The following SPATA13 variants were observed in gnomAD, a reference collection of about 807,000 sequenced individuals.
The protein encoded by SPATA13 is spermatogenesis associated 13.
SPATA13 carries 50 observed loss-of-function variants against 104.0 expected under a neutral mutation model. That is an observed-to-expected ratio of 0.48 (90% confidence interval 0.38 to 0.61). SPATA13 has a LOEUF of 0.61. Ranked by LOEUF, SPATA13 falls within the 20% of genes least tolerant of loss-of-function variation. The probability of loss-of-function intolerance (pLI) is 0.00; values close to 1 mark genes in which losing one functional copy is unlikely to be tolerated. For missense variants in SPATA13, 1,524 were observed against 1,690.6 expected (o/e 0.90, Z 1.73); for synonymous variants, 606 against 667.5 (o/e 0.91, Z 1.42).
At chr13:24,014,833 A>T (rs912264529) in intron 2 of SPATA13, among the ~76,000 whole-genome samples, 12 of 142,372 alleles carry the variant, frequency 8.4e-5, no homozygotes, top group African/African-American at 3.1e-4. Flanking sequence ...TTTCCACAGG[A>T]TTGCTGTAGT....
chr13:24,179,748 A>G (rs1294381959), intron 1 of SPATA13, among the ~76,000 whole-genome samples: 1 of 152,152 alleles, frequency 6.6e-6, no homozygotes, highest in Non-Finnish European at 1.5e-5. Context: ...TTTGAGTTGC[A>G]TTTCTCTGAT....
chr13:24,198,418 C>T (rs902853442), intron 1 of SPATA13, among the ~76,000 whole-genome samples: 11 of 152,174 alleles, frequency 7.2e-5, no homozygotes, highest in Admixed American at 7.2e-4. Flanking sequence ...TTCAGGTACA[C>T]ATGTGTTTTG....
chr13:23,985,169 C>G (rs1875092533), intron 2 of SPATA13, among the ~76,000 whole-genome samples: 1 of 152,238 alleles, frequency 6.6e-6, no homozygotes, highest in African/African-American at 2.4e-5. Context: ...TTCCCGTCTG[C>G]TACCGAAGAT....
upstream of SPATA13, among the ~76,000 whole-genome samples, chr13:24,158,259 A>G (rs1882321408): frequency 6.6e-6 from 1 of 152,198 alleles, no homozygotes; most frequent in South Asian, 2.1e-4. Context: ...CTTGCAGGAA[A>G]CAACAGAATG....
At chr13:24,073,283 T>C (rs939389988) in intron 3 of SPATA13, among the ~76,000 whole-genome samples, 1 of 152,206 alleles carries the variant, frequency 6.6e-6, no homozygotes, top group Non-Finnish European at 1.5e-5. Context: ...TACCCCAAGA[T>C]AGAACTGAGA....
At chr13:24,221,944 C>T (rs1183337903) in intron 1 of SPATA13, among the ~76,000 whole-genome samples, 1 of 151,762 alleles carries the variant, frequency 6.6e-6, no homozygotes. Context: ...TCCCGAGTAG[C>T]TAGGATTATA....
In SPATA13 at chr13:24,161,346, G is replaced by T. The variant is rs923842989; in HGVS notation, c.-112+414G>T. 6.6e-6 allele frequency among the ~76,000 whole-genome samples: 1 copy of T among 152,208 alleles called. No individual in the cohort carries two copies. On this transcript the variant is annotated intron_variant, in intron 1 of 12. Coordinates refer to ENST00000382108, the MANE Select transcript of SPATA13 (RefSeq NM_001166271.3). The surrounding 1 kb of genome is among the most constrained non-coding windows in gnomAD (Gnocchi z 4.5). ...GCCTGGCGCGGCGGAGCCCTGTAAC[G>T]CTCTGCTCCATCGGGTGGCGTGGCT...
rs1877425609 is a variant in SPATA13, at chr13:24,304,296, T to TA, written c.*1523_*1524insA. ...ATAATCATCTCCTTTTCTTTGTCTA[T>TA]GTTGTACATTTTCATGATATAACTT... is the stretch of plus-strand genomic sequence containing the variant. On this transcript the variant is annotated 3_prime_UTR_variant, in exon 13 of 13. Transcript: ENST00000382108. 1 of 152,262 alleles carries TA rather than the reference T, an allele frequency of 6.6e-6. No individual in the cohort carries two copies. Among genetic ancestry groups the TA allele is most frequent in the African/African-American group, 2.4e-5 (1 of 41,470 alleles). The allele number at this position is 152,262 out of a possible 1,614,324, so 9.4% of individuals were successfully genotyped here.
At chr13:24,193,385 G>T (rs760879336) in intron 1 of SPATA13, among the ~76,000 whole-genome samples, 4 of 152,222 alleles carry the variant, frequency 2.6e-5, no homozygotes, top group Admixed American at 2.0e-4. Flanking sequence ...CACAGGCGGT[G>T]GCCATGTTGT....
chr13:24,286,355 G>A lies in SPATA13; in HGVS notation c.2443G>A (p.Glu815Lys). Residue 815 changes from glutamate to lysine, a missense_variant, in exon 6 of 13, where the codon GAA becomes AAA. This residue lies in a region of SPATA13 where 1,089 missense variants were observed against 1,135.9 expected (regional missense o/e 0.96). Transcript: ENST00000382108. The surrounding 1 kb of genome is among the most constrained non-coding windows in gnomAD (Gnocchi z 4.9). ...CAAGGACTGGTGGTGGGGCCGCAGT[G>A]AAGATAAGGAAGCCTGGTTCCCCGC... ...SNKDWWWGRSEDKEAWFPASF... is the reference protein window; with the variant it reads ...SNKDWWWGRSKDKEAWFPASF... The A allele has an allele frequency of 6.2e-7, 1 of 1,612,910 alleles. No homozygotes were observed. The highest frequency in any genetic ancestry group is 8.5e-7 in the Non-Finnish European group (1 of 1,180,018).
chr13:24,115,861 A>C (rs1880817162), intron 3 of SPATA13, among the ~76,000 whole-genome samples: 2 of 152,228 alleles, frequency 1.3e-5, no homozygotes, highest in African/African-American at 4.8e-5. Flanking sequence ...GGTGGCTGGC[A>C]GGCAGCCTCA....
At chr13:24,119,603 G>A (rs2104257) in intron 3 of SPATA13, among the ~76,000 whole-genome samples, 12,515 of 152,184 alleles carry the variant, frequency 0.082, 708 homozygotes, top group Non-Finnish European at 0.12. Flanking sequence ...TCTCTAAAGG[G>A]TCCTCAAAGG....
At chr13:24,271,458 A>G (rs1261858736) in intron 4 of SPATA13, among the ~76,000 whole-genome samples, 2 of 152,162 alleles carry the variant, frequency 1.3e-5, no homozygotes, top group African/African-American at 2.4e-5. Flanking sequence ...GACATTACCC[A>G]GTATTTGCTT....
At chr13:24,097,422 G>T (rs1254496140) in intron 3 of SPATA13, among the ~76,000 whole-genome samples, 1 of 152,102 alleles carries the variant, frequency 6.6e-6, no homozygotes, top group African/African-American at 2.4e-5. Flanking sequence ...AACAAAATTG[G>T]CAGAAAAGAG....
chr13:24,009,410 C>CTCATTAGGCTATGACCCATG (rs1876371699), intron 2 of SPATA13, among the ~76,000 whole-genome samples: 1 of 152,212 alleles, frequency 6.6e-6, no homozygotes, highest in Non-Finnish European at 1.5e-5. Context: ...AGCTATGACA[C>CTCATTAGGCTATGACCCATG]AGCCATTAGG....
intron 1 of SPATA13, among the ~76,000 whole-genome samples, chr13:24,181,960 C>A (rs1868845400): frequency 6.6e-6 from 1 of 152,228 alleles, no homozygotes; most frequent in Admixed American, 6.5e-5. Context: ...ACTAAAAATA[C>A]AAAAATTAGC....
chr13:24,180,027 T>C (rs1213413301), intron 1 of SPATA13, among the ~76,000 whole-genome samples: 3 of 152,226 alleles, frequency 2.0e-5, no homozygotes, highest in Non-Finnish European at 4.4e-5. Context: ...ATCATTTAGC[T>C]ATTTGTTTTT....
chr13:24,280,087 T>C (rs746591675), intron 4 of SPATA13, among the ~76,000 whole-genome samples: 17 of 152,298 alleles, frequency 1.1e-4, no homozygotes, highest in Non-Finnish European at 2.1e-4. Context: ...TCAGAGCTCA[T>C]TGCAGACTGG....
At chr13:24,287,069 T>G (rs1876012279) in intron 7 of SPATA13, 119 bp downstream of exon 7, 1 of 817,056 alleles carries the variant, frequency 1.2e-6, no homozygotes, top group Admixed American at 2.7e-5. Flanking sequence ...GTATGCTCAT[T>G]TCTCCGCCTC....
Sources: gnomAD v4.1 joint callset for allele counts (sites outside exome capture counted in the v4.1 genomes callset) on GRCh38, gnomAD v4.1.1 for gene constraint, gnomAD v4.1.1 regional missense constraint, Gnocchi (gnomAD v3.1) non-coding constraint, MANE v1.5 for transcripts, NCBI Gene and HGNC (gene_info 2026-07-23, HGNC 2026-07-21) for gene names.